The following CSMD1 variants were observed in gnomAD, a reference collection of about 807,000 sequenced individuals.
CSMD1 encodes the protein CUB and sushi domain-containing protein 1.
In CSMD1, 213 loss-of-function variants were observed where a neutral mutation model predicts 417.5. The observed-to-expected ratio is 0.51, with a 90% CI of 0.46 to 0.57. The LOEUF (loss-of-function observed/expected upper bound fraction) is 0.57. Ranked by LOEUF, CSMD1 falls within the 20% of genes least tolerant of loss-of-function variation. The pLI is 0.00. For missense variants in CSMD1, 6,923 were observed against 4,529.7 expected (o/e 1.53, Z -15.17); for synonymous variants, 2,862 against 1,736.8 (o/e 1.65, Z -16.11).
chr8:3,472,882 C>T lies in CSMD1; in HGVS notation c.1449-4058G>A, dbSNP rs555641272. 5.3e-5 allele frequency among the ~76,000 whole-genome samples: 8 copies of T among 152,066 alleles called. No individual in the cohort carries two copies. The South Asian group carries it at 6.2e-4, about 12-fold the overall frequency. ...ACCAGTCATCGGCCACTAGAAGTAA[C>T]TGTTGGGGGAGTTTATTTTCCTCGT... On this transcript the variant is annotated intron_variant, in intron 11 of 69. Transcript: ENST00000635120.
intron 1 of CSMD1, among the ~76,000 whole-genome samples, chr8:4,846,789 A>G (rs747136754): frequency 6.6e-6 from 1 of 152,230 alleles, no homozygotes; most frequent in Non-Finnish European, 1.5e-5. Flanking sequence ...TAGAAAGTAA[A>G]TTAGACAGCA....
At chr8:3,346,416 T>C (rs527708865) in intron 22 of CSMD1, among the ~76,000 whole-genome samples, 16 of 152,322 alleles carry the variant, frequency 1.1e-4, no homozygotes, top group African/African-American at 3.4e-4. Flanking sequence ...TATTAAAAAA[T>C]TCAGTTGCGA....
intron 3 of CSMD1, among the ~76,000 whole-genome samples, chr8:4,094,816 A>G (rs1043743234): frequency 2.6e-5 from 4 of 152,184 alleles, no homozygotes; most frequent in African/African-American, 9.7e-5. Context: ...CCAGGGAGCA[A>G]ACGCTTATCA....
At chr8:4,608,456 G>A (rs1437141367) in intron 2 of CSMD1, among the ~76,000 whole-genome samples, 1 of 152,182 alleles carries the variant, frequency 6.6e-6, no homozygotes, top group Non-Finnish European at 1.5e-5. Context: ...TGGATTGAAC[G>A]TGGAGGAGGA....
chr8:4,098,521 A>C (rs1167319045), intron 3 of CSMD1, among the ~76,000 whole-genome samples: 1 of 152,152 alleles, frequency 6.6e-6, no homozygotes, highest in African/African-American at 2.4e-5. Flanking sequence ...CCAGCTGCGA[A>C]GTCAACCACA....
chr8:4,725,422 TTA>T (rs1266470128), intron 1 of CSMD1, among the ~76,000 whole-genome samples: 1 of 152,184 alleles, frequency 6.6e-6, no homozygotes, highest in Non-Finnish European at 1.5e-5. Flanking sequence ...AGTAGATTAT[TTA>T]TGGTTGTTGT....
intron 15 of CSMD1, among the ~76,000 whole-genome samples, chr8:3,401,835 T>A (rs1224344164): frequency 6.6e-6 from 1 of 152,180 alleles, no homozygotes; most frequent in Non-Finnish European, 1.5e-5. Flanking sequence ...ACATTCCACC[T>A]GATGGAGACC....
At chr8:4,524,165 T>C (rs1446237882) in intron 2 of CSMD1, among the ~76,000 whole-genome samples, 1 of 151,270 alleles carries the variant, frequency 6.6e-6, no homozygotes, top group African/African-American at 2.4e-5. Flanking sequence ...TTTGTATGTA[T>C]AAAGAAAGCA....
At chr8:3,824,752 C>T (rs1801954785) in intron 5 of CSMD1, among the ~76,000 whole-genome samples, 2 of 152,030 alleles carry the variant, frequency 1.3e-5, no homozygotes, top group Non-Finnish European at 2.9e-5. Flanking sequence ...TGAGATGTGG[C>T]TCACATTGGT....
chr8:4,817,116 T>C (rs1486559808), intron 1 of CSMD1, among the ~76,000 whole-genome samples: 3 of 152,226 alleles, frequency 2.0e-5, no homozygotes, highest in Non-Finnish European at 4.4e-5. Flanking sequence ...CCTCCATGTA[T>C]CTGTATATAA....
At chr8:3,320,652 T>C (rs1307627585) in intron 23 of CSMD1, among the ~76,000 whole-genome samples, 1 of 152,198 alleles carries the variant, frequency 6.6e-6, no homozygotes, top group Non-Finnish European at 1.5e-5. Flanking sequence ...ACCGCTGCAT[T>C]GGGACGCAAG....
chr8:4,825,113 A>T lies in CSMD1; in HGVS notation c.85+169219T>A, dbSNP rs556547235. Among the ~76,000 whole-genome samples, 3 of 152,262 alleles carry T rather than the reference A, an allele frequency of 2.0e-5. No homozygotes were observed. The East Asian group carries it at 5.8e-4, about 29-fold the overall frequency. On this transcript the variant is annotated intron_variant, in intron 1 of 69. Transcript: ENST00000635120. ...ACATTTATAACTTGATGAACAACAC[A>T]AATCAAGGTAATTTTAGATTTCAAC...
intron 3 of CSMD1, among the ~76,000 whole-genome samples, chr8:4,385,473 T>C (rs185736986): frequency 1.3e-5 from 2 of 152,340 alleles, no homozygotes; most frequent in East Asian, 1.9e-4. Context: ...TAAATTCATA[T>C]TTAAAATAGA....
intron 6 of CSMD1, among the ~76,000 whole-genome samples, chr8:3,714,666 G>A (rs1000795167): frequency 6.6e-6 from 1 of 151,558 alleles, no homozygotes; most frequent in African/African-American, 2.4e-5. Context: ...GAACCCCGGA[G>A]GCAGAGTTTG....
At chr8:3,534,592 G>C (rs1798114778) in intron 10 of CSMD1, among the ~76,000 whole-genome samples, 2 of 150,370 alleles carry the variant, frequency 1.3e-5, no homozygotes, top group African/African-American at 4.9e-5. Context: ...TGATCTAAAA[G>C]TTGTGTTTCC....
At chr8:4,488,217 A>C (rs1801513312) in intron 2 of CSMD1, among the ~76,000 whole-genome samples, 1 of 152,210 alleles carries the variant, frequency 6.6e-6, no homozygotes, top group South Asian at 2.1e-4. Context: ...CCAACAACTT[A>C]ATGGTATTTT....
chr8:3,074,667 G>A (rs529394039), intron 49 of CSMD1, among the ~76,000 whole-genome samples: 1 of 152,168 alleles, frequency 6.6e-6, no homozygotes, highest in Non-Finnish European at 1.5e-5. Flanking sequence ...ATGCATGTCT[G>A]CATTTTATCT....
At chr8:4,802,848 G>T (rs944603158) in intron 1 of CSMD1, among the ~76,000 whole-genome samples, 13 of 152,162 alleles carry the variant, frequency 8.5e-5, no homozygotes, top group Admixed American at 2.0e-4. Context: ...GAAAAATATA[G>T]TATGTCCTTA....
At position 3,488,040 on chromosome 8, in the gene CSMD1, CTTTT is replaced by C. The variant is rs146309451; in HGVS notation, c.1448+5579_1448+5582del. On this transcript the variant is annotated intron_variant, in intron 11 of 69. Transcript: ENST00000635120. ...ATCAAAATATACTTAGAAGAGGTGA[CTTTT>C]TTTTTCTAAACTCAAACCAAATAAA... is the stretch of plus-strand genomic sequence containing the variant. 2.0e-5 allele frequency among the ~76,000 whole-genome samples: 3 copies of C among 150,752 alleles called. No individual in the cohort carries two copies. In the South Asian group the frequency reaches 6.3e-4, roughly 32 times the overall value.
Sources: gnomAD v4.1 joint callset for allele counts (sites outside exome capture counted in the v4.1 genomes callset) on GRCh38, gnomAD v4.1.1 for gene constraint, MANE v1.5 for transcripts, NCBI Gene and HGNC (gene_info 2026-07-23, HGNC 2026-07-21) for gene names.